The following CDC42BPB variants were observed in gnomAD, a reference collection of about 807,000 sequenced individuals.
The protein encoded by CDC42BPB is serine/threonine-protein kinase MRCK beta.
Under a neutral mutation model 214.9 loss-of-function variants are expected in CDC42BPB, and 37 were observed. The ratio of observed to expected loss-of-function variants is 0.17; its 90% CI spans 0.13 to 0.23. CDC42BPB has a LOEUF of 0.23. Among genes scored for constraint, CDC42BPB ranks in the 10% least tolerant of loss-of-function variants. The pLI is 1.00. For synonymous variants in CDC42BPB, 931 were observed against 884.0 expected (o/e 1.05, Z -0.94); for missense variants, 1,694 against 2,227.0 (o/e 0.76, Z 4.82).
At chr14:103,023,793 AATAT>A in intron 1 of CDC42BPB, among the ~76,000 whole-genome samples, 1 of 152,288 alleles carries the variant, frequency 6.6e-6, no homozygotes, top group Admixed American at 6.5e-5. Context: ...TAATATGCAG[AATAT>A]ATATATTCTA....
At chr14:102,978,908 G>A (rs979255164) in intron 8 of CDC42BPB, among the ~76,000 whole-genome samples, 4 of 152,142 alleles carry the variant, frequency 2.6e-5, no homozygotes, top group African/African-American at 7.2e-5. Context: ...TCAAGAGGCC[G>A]AGGCACGAGA....
chr14:102,963,115 C>T lies in CDC42BPB; in HGVS notation c.2767G>A (p.Glu923Lys). The change falls in exon 20 of 37, where the codon GAA becomes AAA. Residue 923 changes from glutamate to lysine, a missense_variant. Physicochemically the swap from Glu to Lys is moderately conservative, Grantham distance 56. This residue lies in a region of CDC42BPB where 156 missense variants were observed against 154.5 expected (regional missense o/e 1.01). Transcript: ENST00000361246. ...DSEAKNRELLEEMEILKKKME... is the reference protein window; with the variant it reads ...DSEAKNRELLKEMEILKKKME... Reference sequence around the variant, plus strand: ...TTTTTCTTCAAAATTTCCATTTCTTCTAATAATTCTCTGTTTTTGGCTTCG... The same window carrying T: ...TTTTTCTTCAAAATTTCCATTTCTTTTAATAATTCTCTGTTTTTGGCTTCG... The T allele has an allele frequency of 4.4e-6, 7 of 1,594,408 alleles. 1 individual carries two copies. Among genetic ancestry groups the T allele is most frequent in the Non-Finnish European group, 5.2e-6 (6 of 1,164,080 alleles).
intron 21 of CDC42BPB, chr14:102,954,957 AC>A (rs1037396057): frequency 2.6e-5 from 6 of 227,330 alleles, no homozygotes; most frequent in Non-Finnish European, 4.4e-5. Context: ...AGTCACAGTC[AC>A]CCCGCTGAGG....
intron 5 of CDC42BPB, among the ~76,000 whole-genome samples, chr14:102,998,779 G>A (rs542794667): frequency 1.3e-5 from 2 of 152,274 alleles, no homozygotes; most frequent in African/African-American, 2.4e-5. Context: ...GGGTCAGCAC[G>A]GCACAGAGAA....
chr14:103,021,848 AG>A (rs1212266076), intron 1 of CDC42BPB, among the ~76,000 whole-genome samples: 1 of 152,180 alleles, frequency 6.6e-6, no homozygotes, highest in Non-Finnish European at 1.5e-5. Flanking sequence ...AGCAGCGGTG[AG>A]ATCCTGGCTG....
At chr14:102,981,661 C>T (rs1326882888) in intron 7 of CDC42BPB, among the ~76,000 whole-genome samples, 2 of 152,124 alleles carry the variant, frequency 1.3e-5, no homozygotes, top group Non-Finnish European at 2.9e-5. Context: ...CCTGTAATCC[C>T]AGCTACCTGG....
rs538426542 is a variant in CDC42BPB at position 103,000,994 on chromosome 14, G to A, written c.448-1281C>T. The stretch of plus-strand genomic sequence containing the variant: ...AGGAAGGGAAGCACCACACCGGTGG[G>A]CTTGTCTGAGGAAGGGAGCGGCCCA... On this transcript the variant is annotated intron_variant, in intron 4 of 36. Transcript: ENST00000361246. Among the ~76,000 whole-genome samples the A allele has an allele frequency of 2.6e-5, 4 of 152,342 alleles. No homozygotes were observed. In the East Asian group the frequency reaches 7.7e-4, roughly 29 times the overall value.
At chr14:103,007,910 C>T (rs2049863046) in intron 3 of CDC42BPB, among the ~76,000 whole-genome samples, 1 of 152,158 alleles carries the variant, frequency 6.6e-6, no homozygotes, top group Non-Finnish European at 1.5e-5. Flanking sequence ...GCGTGGGCTC[C>T]CCAGCAGGCC....
intron 5 of CDC42BPB, among the ~76,000 whole-genome samples, chr14:102,989,528 A>T (rs1382796894): frequency 6.6e-6 from 1 of 152,236 alleles, no homozygotes; most frequent in Non-Finnish European, 1.5e-5. Context: ...TACTTGAATA[A>T]ACTATGGTAG....
At chr14:102,954,562 G>T (rs760660905) in intron 22 of CDC42BPB, 40 bp downstream of exon 22, 2 of 1,563,024 alleles carry the variant, frequency 1.3e-6, no homozygotes, top group Admixed American at 1.7e-5. Context: ...CACGAGGGCA[G>T]ACCCCAGGTG....
chr14:102,968,811 C>T, intron 14 of CDC42BPB, 95 bp from the exon 15 acceptor site: 1 of 1,552,142 alleles, frequency 6.4e-7, no homozygotes, highest in Middle Eastern at 2.4e-4. Context: ...AGTGCAGACA[C>T]CTTCCCAAGG....
Position 103,008,804 on chromosome 14 carries a change from A to G in CDC42BPB, c.268-249T>C, listed in dbSNP as rs34201051. On this transcript the variant is annotated intron_variant, in intron 2 of 36. Coordinates refer to ENST00000361246, the MANE Select transcript of CDC42BPB (RefSeq NM_006035.4). ...TTCACCCCTTTATGGCTCGGGTTCCACCACTACAGGAGGTTAATGGCAGGA... is the reference window on the plus strand; with the variant it reads ...TTCACCCCTTTATGGCTCGGGTTCCGCCACTACAGGAGGTTAATGGCAGGA... The G allele has an allele frequency of 2.4e-4, 90 of 372,370 alleles. 1 individual carries two copies. The East Asian group carries it at 0.01, about 43-fold the overall frequency. The allele number at this position is 372,370 out of a possible 1,614,324, so 23.1% of individuals were successfully genotyped here. A position where few individuals can be genotyped will look rare whatever the true frequency, so the allele number is the denominator to read the frequency against.
At chr14:102,981,782 CAAAA>C (rs1214406868) in intron 7 of CDC42BPB, among the ~76,000 whole-genome samples, 1 of 151,972 alleles carries the variant, frequency 6.6e-6, no homozygotes, top group Non-Finnish European at 1.5e-5. Context: ...CAGCTCAAAA[CAAAA>C]AAGATGGGGC....
At chr14:103,008,627 T>C (rs1179437307) in intron 2 of CDC42BPB, 72 bp from the exon 3 acceptor site, 5 of 1,582,742 alleles carry the variant, frequency 3.2e-6, no homozygotes, top group Non-Finnish European at 3.4e-6. Context: ...AGCTAAACTG[T>C]AGTGAAATCC....
chr14:103,022,596 T>C (rs1163743638), intron 1 of CDC42BPB, among the ~76,000 whole-genome samples: 1 of 152,166 alleles, frequency 6.6e-6, no homozygotes, highest in Non-Finnish European at 1.5e-5. Flanking sequence ...CATCTTGGCA[T>C]AGACGGAAAG....
chr14:102,977,382 T>C (rs1466180025), intron 9 of CDC42BPB, among the ~76,000 whole-genome samples: 9 of 141,198 alleles, frequency 6.4e-5, no homozygotes, highest in African/African-American at 2.1e-4. Flanking sequence ...GATATCTCCC[T>C]CCCAAGACAT....
intron 36 of CDC42BPB, among the ~76,000 whole-genome samples, chr14:102,936,392 A>G (rs1891648718): frequency 6.6e-6 from 1 of 152,228 alleles, no homozygotes; most frequent in East Asian, 1.9e-4. Context: ...TGGTCTAGCC[A>G]TACAAGAGAA....
chr14:103,001,450 G>C lies in CDC42BPB; in HGVS notation c.448-1737C>G, dbSNP rs947689040. Among the ~76,000 whole-genome samples the C allele has an allele frequency of 2.0e-5, 3 of 152,202 alleles. No homozygotes were observed. The highest frequency in any genetic ancestry group is 7.2e-5 in the African/African-American group (3 of 41,444). ...GAGGTTGCCAAGCAGAGGCCTGAGG[G>C]GAGCCGCGGTCGTGCTCCAGATGAA... On this transcript the variant is annotated intron_variant, in intron 4 of 36. Transcript: ENST00000361246. The surrounding 1 kb of genome is among the most constrained non-coding windows in gnomAD (Gnocchi z 5.8).
intron 3 of CDC42BPB, among the ~76,000 whole-genome samples, chr14:103,006,938 A>G (rs1885860442): frequency 6.6e-6 from 1 of 152,212 alleles, no homozygotes; most frequent in Admixed American, 6.5e-5. Context: ...ATGTAACAGT[A>G]GCTACTTTTT....
Sources: gnomAD v4.1 joint callset for allele counts (sites outside exome capture counted in the v4.1 genomes callset) on GRCh38, gnomAD v4.1.1 for gene constraint, gnomAD v4.1.1 regional missense constraint, Gnocchi (gnomAD v3.1) non-coding constraint, MANE v1.5 for transcripts, NCBI Gene and HGNC (gene_info 2026-07-23, HGNC 2026-07-21) for gene names.